Variants in CAMSAP2 observed in about 807,000 individuals in gnomAD.
The protein encoded by CAMSAP2 is calmodulin regulated spectrin associated protein family member 2.
In CAMSAP2, 26 loss-of-function variants were observed where a neutral mutation model predicts 146.1. That is an observed-to-expected ratio of 0.18 (90% CI 0.13 to 0.25). The LOEUF (loss-of-function observed/expected upper bound fraction) is 0.25, where lower values mean the gene tolerates loss of function less well. Among genes scored for constraint, CAMSAP2 ranks in the 10% least tolerant of loss-of-function variants. The probability of loss-of-function intolerance (pLI) is 1.00; values close to 1 mark genes in which losing one functional copy is unlikely to be tolerated. For missense variants in CAMSAP2, 1,381 were observed against 1,759.3 expected (o/e 0.78, Z 3.85); for synonymous variants, 499 against 596.6 (o/e 0.84, Z 2.38).
At chr1:200,779,041 G>C (rs185003947) in intron 2 of CAMSAP2, among the ~76,000 whole-genome samples, 1 of 152,280 alleles carries the variant, frequency 6.6e-6, no homozygotes, top group Admixed American at 6.5e-5. Flanking sequence ...AGAGTCATGA[G>C]GTAGAGTTAG....
intron 1 of CAMSAP2, among the ~76,000 whole-genome samples, chr1:200,755,283 T>C (rs1212472382): frequency 6.6e-6 from 1 of 152,244 alleles, no homozygotes; most frequent in African/African-American, 2.4e-5. Flanking sequence ...TAGCTAAATC[T>C]ATTTCTTTTG....
intron 2 of CAMSAP2, among the ~76,000 whole-genome samples, chr1:200,768,396 G>A (rs922604172): frequency 1.3e-5 from 2 of 152,174 alleles, no homozygotes; most frequent in African/African-American, 4.8e-5. Flanking sequence ...GATAAGAAAC[G>A]AGATCACAGA....
chr1:200,807,448 A>T lies in CAMSAP2; in HGVS notation c.472A>T (p.Ile158Phe). Residue 158 changes from isoleucine (I) to phenylalanine (F), a missense_variant, in exon 3 of 17, where the codon ATT becomes TTT. Ile to Phe is a conservative substitution (Grantham distance 21). Coordinates refer to ENST00000358823, the MANE Select transcript of CAMSAP2 (RefSeq NM_203459.4). ...TVEMVSIEKV[I>F]ACAQQYSAFF... is the part of the protein sequence containing the mutation. Reference sequence around the variant, plus strand: ...AGAAATGGTCAGTATAGAAAAAGTAATTGCGTGTGCTCAGCAGTATTCAGC... The same window carrying T: ...AGAAATGGTCAGTATAGAAAAAGTATTTGCGTGTGCTCAGCAGTATTCAGC... The T allele has an allele frequency of 6.3e-7, 1 of 1,575,368 alleles. No homozygotes were observed. Among genetic ancestry groups the T allele is most frequent in the Non-Finnish European group, 8.7e-7 (1 of 1,154,384 alleles).
chr1:200,815,643 AG>A lies in CAMSAP2; in HGVS notation c.645+1del. 6.5e-7 allele frequency: 1 copy of A among 1,547,318 alleles called. No homozygotes were observed. Among genetic ancestry groups the A allele is most frequent in the Non-Finnish European group, 8.7e-7 (1 of 1,147,214 alleles). On this transcript the variant is annotated frameshift_variant and splice_region_variant, in exon 4 of 17. Coordinates refer to ENST00000358823, the MANE Select transcript of CAMSAP2 (RefSeq NM_203459.4). LOFTEE classifies it high-confidence loss of function. The part of the protein sequence containing the change: ...HHTVEAPGGQ[K>X]ARYRKEQTLL... The stretch of plus-strand genomic sequence containing the variant: ...ACAGTTGAAGCTCCAGGAGGTCAAA[AG>A]GTATTTATTTCAAAAACAAAAAGGT...
At chr1:200,842,125 A>C in intron 7 of CAMSAP2, 38 bp downstream of exon 7, 1 of 1,467,280 alleles carries the variant, frequency 6.8e-7, no homozygotes, top group Non-Finnish European at 9.5e-7. Flanking sequence ...TCCTATGAAC[A>C]GAAAAAAATG....
At chr1:200,783,728 GTCC>G (rs1558175661) in intron 2 of CAMSAP2, among the ~76,000 whole-genome samples, 1 of 152,058 alleles carries the variant, frequency 6.6e-6, no homozygotes, top group Non-Finnish European at 1.5e-5. Context: ...GGCTCAAGTA[GTCC>G]TCCTGCCTTG....
At chr1:200,844,755 G>T in intron 7 of CAMSAP2, 27 bp from the exon 8 acceptor site, 1 of 1,314,386 alleles carries the variant, frequency 7.6e-7, no homozygotes, top group South Asian at 1.4e-5. Context: ...CTAATTTGAG[G>T]GTGTTTTTAA....
At chr1:200,829,647 G>A (rs1558198014) in intron 4 of CAMSAP2, among the ~76,000 whole-genome samples, 3 of 151,970 alleles carry the variant, frequency 2.0e-5, no homozygotes, top group Non-Finnish European at 4.4e-5. Flanking sequence ...TACCATAATG[G>A]CCGGGTGCGG....
intron 1 of CAMSAP2, among the ~76,000 whole-genome samples, chr1:200,758,397 C>T (rs559539808): frequency 6.6e-6 from 1 of 152,190 alleles, no homozygotes; most frequent in Admixed American, 6.5e-5. Context: ...CTGTTTATTT[C>T]CTACAATACT....
Position 200,848,042 on chromosome 1 carries a change from C to T in CAMSAP2, c.1273C>T (p.His425Tyr). Residue 425 changes from histidine to tyrosine, a missense_variant, in exon 11 of 17, where the codon CAT (histidine) becomes TAT (tyrosine). Physicochemically the swap from His to Tyr is moderately conservative, Grantham distance 83. This residue lies in a region of CAMSAP2 where 447 missense variants were observed against 462.2 expected (regional missense o/e 0.97). Transcript: ENST00000358823. The part of the protein sequence containing the change: ...TWPKEKRSSV[H>Y]GVSFDISFDK... ...TTAACTTTTTTTTAGATCATCAGTG[C>T]ATGGCGTATCATTTGATATTTCTTT... 1.3e-6 allele frequency: 2 copies of T among 1,536,070 alleles called. No homozygotes were observed. Among genetic ancestry groups the T allele is most frequent in the Middle Eastern group, 3.5e-4 (2 of 5,676 alleles).
At chr1:200,842,987 A>G (rs1224556050) in intron 7 of CAMSAP2, among the ~76,000 whole-genome samples, 2 of 141,382 alleles carry the variant, frequency 1.4e-5, no homozygotes, top group East Asian at 2.0e-4. Context: ...AAAAAAAAAG[A>G]AAAAAAAAAA....
chr1:200,770,421 C>CT (rs11392023), intron 2 of CAMSAP2, among the ~76,000 whole-genome samples: 24,695 of 143,458 alleles, frequency 0.17, 2,756 homozygotes, highest in East Asian at 0.35. Flanking sequence ...CCTACTATTT[C>CT]TTTTTTTTTT....
intron 8 of CAMSAP2, 69 bp downstream of exon 8, chr1:200,844,938 AT>A: frequency 1.3e-6 from 1 of 750,638 alleles, no homozygotes; most frequent in Non-Finnish European, 2.1e-6. Context: ...ATAATATTAT[AT>A]TACATTAAAT....
intron 2 of CAMSAP2, among the ~76,000 whole-genome samples, chr1:200,767,914 A>G (rs960300530): frequency 6.6e-6 from 1 of 152,198 alleles, no homozygotes; most frequent in African/African-American, 2.4e-5. Context: ...ATCATGTTAG[A>G]GTAACTCTTT....
Position 200,857,883 on chromosome 1 carries a change from T to A in CAMSAP2, c.4261T>A (p.Ser1421Thr). ...TAAACTGACTGGGATAGGCCCTAAATCTATCACTAAAAAAATGATTGAAGG... is the reference window on the plus strand; with the variant it reads ...TAAACTGACTGGGATAGGCCCTAAAACTATCACTAAAAAAATGATTGAAGG... ...INKLTGIGPK[S>T]ITKKMIEGLY... Residue 1421 changes from serine to threonine, a missense_variant, in exon 17 of 17, where the codon TCT becomes ACT. By Grantham distance (58) the Ser-to-Thr change is moderately conservative (BLOSUM62 1). Coordinates refer to ENST00000358823, the MANE Select transcript of CAMSAP2 (RefSeq NM_203459.4). This position sits in a 1 kb window ranked among gnomAD's most constrained non-coding sequence, Gnocchi z 4.7. 6.2e-7 allele frequency: 1 copy of A among 1,613,802 alleles called. No individual in the cohort carries two copies. Among genetic ancestry groups the A allele is most frequent in the Non-Finnish European group, 8.5e-7 (1 of 1,179,812 alleles).
chr1:200,805,093 AAG>A (rs1666138233), intron 2 of CAMSAP2, among the ~76,000 whole-genome samples: 1 of 152,242 alleles, frequency 6.6e-6, no homozygotes, highest in South Asian at 2.1e-4. Flanking sequence ...TTTGAAATGA[AAG>A]AGTTAATATA....
chr1:200,855,823 C>T (rs1483795902), intron 14 of CAMSAP2, among the ~76,000 whole-genome samples, 187 bp from the exon 15 acceptor site: 1 of 152,080 alleles, frequency 6.6e-6, no homozygotes, highest in East Asian at 1.9e-4. Context: ...TCTCGAACTT[C>T]TGACCTTGTG....
chr1:200,849,931 A>T lies in CAMSAP2; in HGVS notation c.3162A>T (p.Gly1054=). Residue 1054 remains glycine (G), a synonymous_variant, in exon 11 of 17, where the codon GGA becomes GGT. Transcript: ENST00000358823. The surrounding 1 kb of genome is among the most constrained non-coding windows in gnomAD (Gnocchi z 6.3). ...LESKGTLEQR[G]HNPEEKEIKP... The stretch of plus-strand genomic sequence containing the variant: ...CCAAAGGGACTTTGGAACAGCGTGG[A>T]CATAATCCAGAAGAAAAGGAAATCA... 1 of 1,614,192 alleles carries T rather than the reference A, an allele frequency of 6.2e-7. No individual in the cohort carries two copies. The highest frequency in any genetic ancestry group is 8.5e-7 in the Non-Finnish European group (1 of 1,180,026).
In CAMSAP2 at chr1:200,859,518, T is replaced by A. The variant is rs1256781064; in HGVS notation, c.*1459T>A. The A allele has an allele frequency of 6.6e-6, 1 of 152,662 alleles. No homozygotes were observed. The highest frequency in any genetic ancestry group is 1.5e-5 in the Non-Finnish European group (1 of 67,898). 9.5% of individuals were successfully genotyped at this position (152,662 alleles called of 1,614,324 possible). On this transcript the variant is annotated 3_prime_UTR_variant, in exon 17 of 17. Transcript: ENST00000358823. ...TTTAGGCATCAGTGCATCTGGGTTA[T>A]CAACATTTTCTCAAATGCTGTCAAT...
Sources: allele counts gnomAD v4.1 joint callset (sites outside exome capture counted in the v4.1 genomes callset), GRCh38; gene constraint gnomAD v4.1.1; regional missense constraint gnomAD v4.1.1; non-coding constraint Gnocchi (gnomAD v3.1); transcripts MANE v1.5; gene names NCBI Gene and HGNC (gene_info 2026-07-23, HGNC 2026-07-21).